The following VWF variants were observed in gnomAD, a reference collection of about 807,000 sequenced individuals.
The protein encoded by VWF is von Willebrand factor, also known as Factor VIII related antigen.
VWF carries 176 observed loss-of-function variants against 308.6 expected under a neutral mutation model. That is an observed-to-expected ratio of 0.57 (90% CI 0.50 to 0.65). The LOEUF (loss-of-function observed/expected upper bound fraction) is 0.65. Ranked by LOEUF, VWF falls within the 30% of genes least tolerant of loss-of-function variation. The pLI is 0.00. For synonymous variants in VWF, 1,385 were observed against 1,443.4 expected (o/e 0.96, Z 0.92); for missense variants, 3,146 against 3,648.2 (o/e 0.86, Z 3.55).
chr12:5,978,338 C>A (rs537263725), intron 42 of VWF, among the ~76,000 whole-genome samples: 1 of 152,256 alleles, frequency 6.6e-6, no homozygotes, highest in South Asian at 2.1e-4. Flanking sequence ...TCTCGGCTCA[C>A]TGCAACCTCC....
At chr12:6,119,160 G>C (rs1945403015) in intron 3 of VWF, among the ~76,000 whole-genome samples, 1 of 152,168 alleles carries the variant, frequency 6.6e-6, no homozygotes, top group African/African-American at 2.4e-5. Flanking sequence ...GTCCCCATCA[G>C]ACTCCAAGAC....
At chr12:6,032,479 A>AG (rs1944277733) in intron 20 of VWF, among the ~76,000 whole-genome samples, 1 of 127,444 alleles carries the variant, frequency 7.8e-6, no homozygotes, top group African/African-American at 3.1e-5. Flanking sequence ...CTCTACTAAA[A>AG]TACAAAAAAT....
chr12:6,057,945 G>A lies in VWF; in HGVS notation c.1633C>T (p.Arg545Trp). The change falls in exon 14 of 52, where the codon CGG becomes TGG. Residue 545 changes from arginine (R) to tryptophan (W), a missense_variant. By Grantham distance (101) the Arg-to-Trp change is moderately radical. Coordinates refer to ENST00000261405, the MANE Select transcript of VWF (RefSeq NM_000552.5). Reference protein sequence around the residue: ...FLTPSGLAEPRVEDFGNAWKL... With the variant: ...FLTPSGLAEPWVEDFGNAWKL... ...CAGGCGTTCCCGAAGTCCTCCACCC[G>A]GGGCTCCGCCAGCCCAGAGGGGGTA... The A allele has an allele frequency of 6.2e-7, 1 of 1,613,694 alleles. No homozygotes were observed. The highest frequency in any genetic ancestry group is 8.5e-7 in the Non-Finnish European group (1 of 1,180,014).
At chr12:6,079,432 C>T (rs150961686) in intron 6 of VWF, among the ~76,000 whole-genome samples, 5 of 151,234 alleles carry the variant, frequency 3.3e-5, no homozygotes, top group African/African-American at 4.9e-5. Context: ...CGGTGAAACC[C>T]CATCTCTACT....
chr12:6,013,463 A>G lies in VWF; in HGVS notation c.5620+18T>C, dbSNP rs757571316. ...AACTTTTTTTTGAGGGAAGTAAGAA[A>G]GGTATTATAAGACTCACCAGAGCAC... On this transcript the variant is annotated intron_variant, in intron 32 of 51. Transcript: ENST00000261405. 1.2e-6 allele frequency: 2 copies of G among 1,614,122 alleles called. No homozygotes were observed. Among genetic ancestry groups the G allele is most frequent in the South Asian group, 2.2e-5 (2 of 91,084 alleles).
Position 6,075,681 on chromosome 12 carries a change from A to G in VWF, c.658-130T>C. 1 of 964,262 alleles carries G rather than the reference A, an allele frequency of 1.0e-6. No homozygotes were observed. Among genetic ancestry groups the G allele is most frequent in the Non-Finnish European group, 1.6e-6 (1 of 618,022 alleles). 59.7% of individuals were successfully genotyped at this position (964,262 alleles called of 1,614,324 possible). On this transcript the variant is annotated intron_variant, in intron 6 of 51. Transcript: ENST00000261405. The surrounding 1 kb of genome is among the most constrained non-coding windows in gnomAD (Gnocchi z 4.7). ...CCTGGGACAGGCTGGCACCAAGCAC[A>G]TGCATGTGTTCAATGCACCAGCCCA...
chr12:5,956,600 C>T (rs1943253601), intron 47 of VWF, among the ~76,000 whole-genome samples: 1 of 151,258 alleles, frequency 6.6e-6, no homozygotes. Context: ...TATGATAATG[C>T]CTCTGCACTC....
intron 6 of VWF, among the ~76,000 whole-genome samples, chr12:6,086,961 G>GCTC (rs1944979275): frequency 2.2e-4 from 34 of 152,332 alleles, no homozygotes; most frequent in Admixed American, 2.2e-3. Flanking sequence ...GGAATCACAG[G>GCTC]TGAACTGCAT....
intron 18 of VWF, among the ~76,000 whole-genome samples, chr12:6,043,455 C>G (rs1047253972): frequency 6.6e-6 from 1 of 152,230 alleles, no homozygotes; most frequent in African/African-American, 2.4e-5. Context: ...GCCCCAACTC[C>G]TCACCATTCA....
At chr12:6,074,783 G>A (rs533770539) in intron 7 of VWF, among the ~76,000 whole-genome samples, 3 of 152,304 alleles carry the variant, frequency 2.0e-5, no homozygotes, top group Admixed American at 6.5e-5. Flanking sequence ...ATAATTTGGG[G>A]ACAGTGACCA....
intron 47 of VWF, among the ~76,000 whole-genome samples, chr12:5,964,238 A>ACATGCATGCATG (rs1555189787): frequency 1.6e-4 from 22 of 138,712 alleles, no homozygotes; most frequent in African/African-American, 5.8e-4. Flanking sequence ...ATACATACAT[A>ACATGCATGCATG]CATACATACA....
Position 6,057,943 on chromosome 12 carries a change from C to A in VWF, c.1635G>T (p.Arg545=), listed in dbSNP as rs768712780. The part of the protein sequence containing the change: ...FLTPSGLAEP[R]VEDFGNAWKL... ...TCCAGGCGTTCCCGAAGTCCTCCAC[C>A]CGGGGCTCCGCCAGCCCAGAGGGGG... The change falls in exon 14 of 52, where the codon CGG becomes CGT. Residue 545 remains arginine, a synonymous_variant. Coordinates refer to ENST00000261405, the MANE Select transcript of VWF (RefSeq NM_000552.5). 6.2e-7 allele frequency: 1 copy of A among 1,613,608 alleles called. No homozygotes were observed. The highest frequency in any genetic ancestry group is 8.5e-7 in the Non-Finnish European group (1 of 1,180,034).
At chr12:6,066,500 A>C (rs1256255652) in intron 10 of VWF, among the ~76,000 whole-genome samples, 1 of 152,224 alleles carries the variant, frequency 6.6e-6, no homozygotes, top group Non-Finnish European at 1.5e-5. Context: ...TCCTTTCTCT[A>C]AGGATCAAAG....
Position 6,016,220 on chromosome 12 carries a change from C to T in VWF, c.5324G>A (p.Gly1775Asp). The T allele has an allele frequency of 6.2e-7, 1 of 1,614,202 alleles. No homozygotes were observed. ...TGAAGTCAAGTATCGCACAGCAAAG[C>T]CCAAGGCATCCCCTGAGGATGGAGA... ...GGPSQIGDAL[G>D]FAVRYLTSEM... Residue 1775 changes from glycine (G) to aspartate (D), a missense_variant, in exon 31 of 52, where the codon GGC becomes GAC. Gly to Asp is a moderately conservative substitution (Grantham distance 94). Transcript: ENST00000261405.
chr12:6,095,414 A>G (rs1565387726), intron 6 of VWF, 46 bp downstream of exon 6: 1 of 1,613,610 alleles, frequency 6.2e-7, no homozygotes, highest in Non-Finnish European at 8.5e-7. Flanking sequence ...TTTTAGATCC[A>G]GAAATCACAC....
chr12:5,950,673 A>C (rs1176184460), intron 50 of VWF, among the ~76,000 whole-genome samples: 1 of 151,940 alleles, frequency 6.6e-6, no homozygotes, highest in Non-Finnish European at 1.5e-5. Context: ...AAAAAAAAAA[A>C]ACATTTAGAC....
intron 2 of VWF, chr12:6,122,921 CT>C (rs1199836632): frequency 2.7e-6 from 2 of 750,354 alleles, no homozygotes; most frequent in South Asian, 2.8e-5. Context: ...CACCTTTATG[CT>C]TCTTAATTCC....
Position 5,994,434 on chromosome 12 carries a change from T to G in VWF, c.6237A>C (p.Ser2079=). ...TCTTACCACACAGACCATACGTCTT[T>G]GAAGCAAAAGTCTTGGGGCTGAGCT... ...QLQLSPKTFA[S]KTYGLCGICD... is the part of the protein sequence containing the mutation. Residue 2079 remains serine (S), a synonymous_variant, in exon 36 of 52, where the codon TCA becomes TCC. Transcript: ENST00000261405. 6.2e-7 allele frequency: 1 copy of G among 1,614,192 alleles called. No individual in the cohort carries two copies. Among genetic ancestry groups the G allele is most frequent in the South Asian group, 1.1e-5 (1 of 91,078 alleles).
chr12:6,058,629 A>G lies in VWF; in HGVS notation c.1534-585T>C, dbSNP rs1944620352. On this transcript the variant is annotated intron_variant, in intron 13 of 51. Coordinates refer to ENST00000261405, the MANE Select transcript of VWF (RefSeq NM_000552.5). This position sits in a 1 kb window ranked among gnomAD's most constrained non-coding sequence, Gnocchi z 4.9. The stretch of plus-strand genomic sequence containing the variant: ...GCTGCCTGCCACTCAGGCCCTGGGC[A>G]TCACTGAAGAGAAAGGGCCACGAGC... Among the ~76,000 whole-genome samples the G allele has an allele frequency of 6.6e-6, 1 of 152,180 alleles. No homozygotes were observed. Among genetic ancestry groups the G allele is most frequent in the African/African-American group, 2.4e-5 (1 of 41,452 alleles).
Sources: allele counts gnomAD v4.1 joint callset (sites outside exome capture counted in the v4.1 genomes callset), GRCh38; gene constraint gnomAD v4.1.1; non-coding constraint Gnocchi (gnomAD v3.1); transcripts MANE v1.5; gene names NCBI Gene and HGNC (gene_info 2026-07-23, HGNC 2026-07-21).